Variants in RIPOR2 observed in about 807,000 individuals in gnomAD.
RIPOR2 encodes the protein rho family-interacting cell polarization regulator 2.
A neutral mutation model predicts 114.5 loss-of-function variants in RIPOR2; 39 were observed. The observed-to-expected ratio is 0.34, with a 90% confidence interval of 0.26 to 0.44. The LOEUF is 0.44. Ranked by LOEUF, RIPOR2 falls within the 20% of genes least tolerant of loss-of-function variation. The pLI, the probability that RIPOR2 is intolerant of heterozygous loss-of-function variation, is 1.00. For missense variants in RIPOR2, 1,007 were observed against 1,255.1 expected, an observed-to-expected ratio of 0.80 and a Z score of 2.99; for synonymous variants, 445 against 484.4, an observed-to-expected ratio of 0.92 and a Z score of 1.07.
Position 24,847,717 on chromosome 6 carries a change from G to T in RIPOR2, c.1164+308C>A. On this transcript the variant is annotated intron_variant, in intron 12 of 21. Transcript: ENST00000643898. ...CTTCAGAAGTGAAAGCAAGATGGGG[G>T]AGTTAGTGGGAAGAATCAGGTTACT... The T allele has an allele frequency of 1.3e-6, 2 of 1,537,440 alleles. 1 individual carries two copies. Among genetic ancestry groups the T allele is most frequent in the South Asian group, 2.4e-5 (2 of 83,630 alleles).
chr6:25,041,754 G>A (rs1777467619), intron 1 of RIPOR2: 1 of 637,594 alleles, frequency 1.6e-6, no homozygotes, highest in African/African-American at 1.8e-5. Context: ...AAGGGGGAAA[G>A]ATTGGAGAAG....
At chr6:25,018,901 T>C (rs937527011) in intron 1 of RIPOR2, among the ~76,000 whole-genome samples, 2 of 152,212 alleles carry the variant, frequency 1.3e-5, no homozygotes, top group African/African-American at 2.4e-5. Context: ...TTGATGATCA[T>C]TGTCTCCATC....
chr6:24,943,332 G>A (rs913639794), intron 1 of RIPOR2, among the ~76,000 whole-genome samples: 13 of 152,222 alleles, frequency 8.5e-5, no homozygotes, highest in Non-Finnish European at 1.6e-4. Flanking sequence ...CACACACTGG[G>A]GCCTGTTGTG....
intron 1 of RIPOR2, among the ~76,000 whole-genome samples, chr6:24,975,623 G>C (rs1338437059): frequency 1.3e-5 from 2 of 152,118 alleles, no homozygotes; most frequent in African/African-American, 4.8e-5. Flanking sequence ...TTTAAGCCCA[G>C]CCTGGGCAAT....
chr6:24,830,578 C>T lies in RIPOR2; in HGVS notation c.2437G>A (p.Val813Met), dbSNP rs1250174558. 6.4e-7 allele frequency: 1 copy of T among 1,551,508 alleles called. No individual in the cohort carries two copies. The highest frequency in any genetic ancestry group is 8.7e-7 in the Non-Finnish European group (1 of 1,146,948). The change falls in exon 17 of 22, where the codon GTG becomes ATG. Residue 813 changes from valine (V) to methionine (M), a missense_variant. By Grantham distance (21) the Val-to-Met change is conservative. Transcript: ENST00000643898. The stretch of plus-strand genomic sequence containing the variant: ...AAGCTGGCCTCCAGCTGCTTCATCA[C>T]TCTGTCCGCTGGGCTGTGGTAGACA... The part of the protein sequence containing the change: ...VGVYHSPADR[V>M]MKQLEASFAR...
intron 1 of RIPOR2, among the ~76,000 whole-genome samples, chr6:24,959,409 A>G (rs1773200336): frequency 1.3e-5 from 2 of 152,206 alleles, no homozygotes; most frequent in Non-Finnish European, 2.9e-5. Context: ...GAGGATCCAC[A>G]CAGGAAAAGG....
intron 1 of RIPOR2, among the ~76,000 whole-genome samples, chr6:24,881,045 C>G (rs1431504286): frequency 1.3e-5 from 2 of 152,078 alleles, no homozygotes; most frequent in Admixed American, 1.3e-4. Context: ...AGTTTGAGAC[C>G]AGCTTGGCCA....
chr6:24,817,817 C>T (rs1437715174), intron 20 of RIPOR2, among the ~76,000 whole-genome samples: 3 of 151,964 alleles, frequency 2.0e-5, no homozygotes, highest in Non-Finnish European at 2.9e-5. Context: ...AGAGAGCTTG[C>T]GGGGAAGGAT....
rs931043807 is a variant in RIPOR2, at chr6:24,836,124, A to T, written c.2040-253T>A. On this transcript the variant is annotated intron_variant, in intron 14 of 21. Coordinates refer to ENST00000643898, the MANE Select transcript of RIPOR2 (RefSeq NM_001286445.3). ...ACTTTTTAAGCCTAATGAACCACTT[A>T]TGAAGTAGTTTCACCCAGAAGTCTT... 1.3e-5 allele frequency: 6 copies of T among 467,400 alleles called. No individual in the cohort carries two copies. In the Admixed American group the frequency reaches 2.0e-4, roughly 16 times the overall value. The allele number at this position is 467,400 out of a possible 1,614,324, so 29.0% of individuals were successfully genotyped here.
intron 1 of RIPOR2, among the ~76,000 whole-genome samples, chr6:25,029,435 A>G (rs1776804850): frequency 7.0e-6 from 1 of 142,452 alleles, no homozygotes; most frequent in South Asian, 2.2e-4. Context: ...AAAAAAAAAG[A>G]AGAAGAAGTA....
chr6:24,949,407 G>A (rs369964), intron 1 of RIPOR2, among the ~76,000 whole-genome samples: 81,731 of 151,968 alleles, frequency 0.54, 22,532 homozygotes, highest in Middle Eastern at 0.61. Context: ...CCTTACCAAC[G>A]GTTATAAACC....
intron 1 of RIPOR2, among the ~76,000 whole-genome samples, chr6:25,008,549 TTTGGACTTCTGGCCTATAAGAC>T: frequency 6.6e-6 from 1 of 152,226 alleles, no homozygotes; most frequent in South Asian, 2.1e-4. Context: ...TAAGATCCAT[TTTGGACTTCTGGCCTATAAGAC>T]TTGGACTTCT....
chr6:24,924,747 C>T lies in RIPOR2; in HGVS notation c.61+11091G>A, dbSNP rs557011648. 5.3e-5 allele frequency among the ~76,000 whole-genome samples: 8 copies of T among 151,986 alleles called. No homozygotes were observed. The East Asian group carries it at 1.2e-3, about 22-fold the overall frequency. On this transcript the variant is annotated intron_variant, in intron 1 of 21. Coordinates refer to ENST00000643898, the MANE Select transcript of RIPOR2 (RefSeq NM_001286445.3). The stretch of plus-strand genomic sequence containing the variant: ...CATGAAAAGGAAGAAAGAGATGATA[C>T]AAAAGGGGAAGAGGAAGAGAGGATT...
In RIPOR2 at chr6:24,825,925, C is replaced by CTTTT. The variant is rs11454820; in HGVS notation, c.2666-501_2666-498dup. Among the ~76,000 whole-genome samples, 497 of 126,276 alleles carry CTTTT rather than the reference C, an allele frequency of 3.9e-3. 14 individuals carry two copies. Among genetic ancestry groups the CTTTT allele is most frequent in the East Asian group, 9.9e-3 (44 of 4,444 alleles). 82.8% of individuals were successfully genotyped at this position (126,276 alleles called of 152,430 possible). A position where few individuals can be genotyped will look rare whatever the true frequency, so the allele number is the denominator to read the frequency against. ...TTATTTATTTATTTAATGTTTTTCT[C>CTTTT]TTTTTTTTTTTTTTTTTGAGACAGA... On this transcript the variant is annotated intron_variant, in intron 18 of 21. Transcript: ENST00000643898.
At chr6:24,987,521 C>T (rs1774583435) in intron 1 of RIPOR2, among the ~76,000 whole-genome samples, 1 of 152,124 alleles carries the variant, frequency 6.6e-6, no homozygotes, top group Non-Finnish European at 1.5e-5. Context: ...AATTAAAAGG[C>T]TCAAATCACA....
intron 1 of RIPOR2, among the ~76,000 whole-genome samples, chr6:24,982,134 G>A (rs914381386): frequency 6.6e-6 from 1 of 152,124 alleles, no homozygotes. Context: ...TCTTTTTTAA[G>A]TAATAAAAGA....
At chr6:25,017,481 A>C (rs561282307) in intron 1 of RIPOR2, among the ~76,000 whole-genome samples, 238 of 152,170 alleles carry the variant, frequency 1.6e-3, no homozygotes, top group Non-Finnish European at 2.9e-3. Flanking sequence ...GATGCTCCCC[A>C]GATTTTCTTA....
intron 6 of RIPOR2, among the ~76,000 whole-genome samples, chr6:24,868,524 C>T (rs1764844456): frequency 6.6e-6 from 1 of 152,162 alleles, no homozygotes; most frequent in African/African-American, 2.4e-5. Context: ...CATTGGACCA[C>T]CAGTGAACTA....
intron 13 of RIPOR2, chr6:24,839,972 C>G: frequency 1.2e-6 from 1 of 832,842 alleles, no homozygotes; most frequent in Non-Finnish European, 1.4e-6. Flanking sequence ...TTTTTTGAGA[C>G]AAGGTCTTGC....
Sources: allele counts gnomAD v4.1 joint callset (sites outside exome capture counted in the v4.1 genomes callset), GRCh38; gene constraint gnomAD v4.1.1; transcripts MANE v1.5; gene names NCBI Gene and HGNC (gene_info 2026-07-23, HGNC 2026-07-21).